FGD4: variants seen among roughly 807,000 people sequenced by gnomAD.
The protein encoded by FGD4 is FYVE, RhoGEF and PH domain containing 4, also known as FYVE, RhoGEF and PH domain-containing protein 4.
A neutral mutation model predicts 102.0 loss-of-function variants in FGD4; 42 were observed. The observed-to-expected ratio is 0.41, with a 90% CI of 0.32 to 0.53. FGD4 has a LOEUF of 0.53. Ranked by LOEUF, FGD4 falls within the 20% of genes least tolerant of loss-of-function variation. FGD4 has a pLI of 0.21. For missense variants in FGD4, 902 were observed against 1,078.2 expected (o/e 0.84, Z 2.29); for synonymous variants, 380 against 375.7 (o/e 1.01, Z -0.13).
chr12:32,572,105 TACAC>T (rs796932276), intron 2 of FGD4, among the ~76,000 whole-genome samples: 9 of 151,972 alleles, frequency 5.9e-5, no homozygotes, highest in Admixed American at 1.3e-4. Context: ...CACACATACA[TACAC>T]ACACACGCAT....
rs1362536617 is a variant in FGD4 at position 32,564,134 on chromosome 12, C to T, written c.167-3C>T. The T allele has an allele frequency of 2.0e-6, 3 of 1,534,340 alleles. No individual in the cohort carries two copies. Among genetic ancestry groups the T allele is most frequent in the Non-Finnish European group, 2.6e-6 (3 of 1,146,186 alleles). On this transcript the variant is annotated splice_polypyrimidine_tract_variant and splice_region_variant and intron_variant, in intron 1 of 16. Coordinates refer to ENST00000534526, the MANE Select transcript of FGD4 (RefSeq NM_001370298.3). ...CCTGCCCTTTCTTTCTGAACTCTTG[C>T]AGGCAGCAGTACCTGTCCAAAGATC...
chr12:32,525,308 A>G (rs1200236993), intron 1 of FGD4, among the ~76,000 whole-genome samples: 1 of 152,226 alleles, frequency 6.6e-6, no homozygotes, highest in Non-Finnish European at 1.5e-5. Flanking sequence ...ATGAACCAGA[A>G]CTGTGGACAA....
intron 14 of FGD4, among the ~76,000 whole-genome samples, chr12:32,633,248 C>T (rs923190032): frequency 6.6e-6 from 1 of 151,852 alleles, no homozygotes; most frequent in Non-Finnish European, 1.5e-5. Flanking sequence ...TAAGAGAGAC[C>T]AGGGAAGTTC....
At chr12:32,515,170 G>A (rs969443201) in intron 1 of FGD4, among the ~76,000 whole-genome samples, 3 of 152,210 alleles carry the variant, frequency 2.0e-5, no homozygotes, top group African/African-American at 7.2e-5. Flanking sequence ...AAGATAAGGA[G>A]TGGCACAACA....
intron 1 of FGD4, among the ~76,000 whole-genome samples, chr12:32,501,374 T>G (rs960066095): frequency 1.3e-5 from 2 of 152,218 alleles, no homozygotes; most frequent in African/African-American, 4.8e-5. Flanking sequence ...TTTCAGCCAA[T>G]TTTATCTTCC....
chr12:32,435,438 G>A (rs1241421567), intron 1 of FGD4, among the ~76,000 whole-genome samples: 1 of 151,292 alleles, frequency 6.6e-6, no homozygotes, highest in Non-Finnish European at 1.5e-5. Context: ...ATAGAGTAAT[G>A]CTCATAAAAT....
At chr12:32,583,258 GC>G (rs1194416021) in intron 4 of FGD4, among the ~76,000 whole-genome samples, 1 of 152,076 alleles carries the variant, frequency 6.6e-6, no homozygotes, top group Non-Finnish European at 1.5e-5. Flanking sequence ...AATTTCTTGA[GC>G]CCAGGAGGTC....
intron 1 of FGD4, among the ~76,000 whole-genome samples, chr12:32,407,419 C>A (rs1243700850): frequency 6.6e-6 from 1 of 152,198 alleles, no homozygotes; most frequent in Non-Finnish European, 1.5e-5. Context: ...AGCCACTACG[C>A]CTGGCCAAGA....
At chr12:32,415,473 A>G (rs1941374070) in intron 1 of FGD4, among the ~76,000 whole-genome samples, 1 of 123,460 alleles carries the variant, frequency 8.1e-6, no homozygotes, top group East Asian at 2.5e-4. Context: ...CCCAGGCTGG[A>G]GTGCTGTGGC....
intron 1 of FGD4, among the ~76,000 whole-genome samples, chr12:32,443,930 G>A (rs1942530688): frequency 6.6e-6 from 1 of 151,472 alleles, no homozygotes; most frequent in Admixed American, 6.6e-5. Flanking sequence ...AAAATCGACA[G>A]ATTTACTTAT....
chr12:32,435,709 A>G (rs1046128066), intron 1 of FGD4, among the ~76,000 whole-genome samples: 2 of 152,128 alleles, frequency 1.3e-5, no homozygotes, highest in Non-Finnish European at 2.9e-5. Context: ...TGAATTGCCA[A>G]TTTTTACATG....
In FGD4 at chr12:32,544,155, A is replaced by G. The variant is rs112262911; in HGVS notation, c.167-19982A>G. On this transcript the variant is annotated intron_variant, in intron 1 of 16. Coordinates refer to ENST00000534526, the MANE Select transcript of FGD4 (RefSeq NM_001370298.3). The surrounding 1 kb of genome is among the most constrained non-coding windows in gnomAD (Gnocchi z 4.1). ...TAAAATTTGGCCAGAGCCAGCAGCC[A>G]TGGCTTATGTCTGTAATCCCAGCAC... Among the ~76,000 whole-genome samples, 253 of 151,256 alleles carry G rather than the reference A, an allele frequency of 1.7e-3. 1 individual carries two copies. The highest frequency in any genetic ancestry group is 5.9e-3 in the African/African-American group (243 of 41,304).
intron 1 of FGD4, among the ~76,000 whole-genome samples, chr12:32,473,370 G>A (rs77779205): frequency 6.6e-6 from 1 of 152,024 alleles, no homozygotes; most frequent in South Asian, 2.1e-4. Flanking sequence ...GCGAAGATCT[G>A]CAGCTTCACT....
At chr12:32,405,777 C>T (rs1366729018) in intron 1 of FGD4, among the ~76,000 whole-genome samples, 5 of 152,030 alleles carry the variant, frequency 3.3e-5, no homozygotes, top group East Asian at 1.9e-4. Context: ...CTGTTGGAGT[C>T]AGTCCTTTTA....
chr12:32,434,619 C>T (rs866072654), intron 1 of FGD4, among the ~76,000 whole-genome samples: 1 of 152,162 alleles, frequency 6.6e-6, no homozygotes, highest in African/African-American at 2.4e-5. Flanking sequence ...TTTTGTGATT[C>T]CAGTAGCTCT....
chr12:32,502,977 C>A (rs1938358380), intron 1 of FGD4, among the ~76,000 whole-genome samples: 1 of 152,146 alleles, frequency 6.6e-6, no homozygotes. Context: ...ATTTCAACAG[C>A]CCCTTAAAAT....
At chr12:32,454,650 G>C (rs1481239156) in intron 1 of FGD4, among the ~76,000 whole-genome samples, 1 of 152,158 alleles carries the variant, frequency 6.6e-6, no homozygotes, top group East Asian at 1.9e-4. Flanking sequence ...ATTGTTTTAA[G>C]TAAGTTTTGA....
intron 1 of FGD4, among the ~76,000 whole-genome samples, chr12:32,533,580 C>G (rs1354644522): frequency 6.6e-6 from 1 of 152,144 alleles, no homozygotes; most frequent in African/African-American, 2.4e-5. Flanking sequence ...TGCATGCCAC[C>G]ACACCCGGCT....
At chr12:32,580,208 T>C (rs1212388074) in intron 3 of FGD4, among the ~76,000 whole-genome samples, 1 of 152,172 alleles carries the variant, frequency 6.6e-6, no homozygotes, top group Non-Finnish European at 1.5e-5. Flanking sequence ...ATTGTGACAT[T>C]GGCCACCTTA....
Sources: gnomAD v4.1 joint callset for allele counts (sites outside exome capture counted in the v4.1 genomes callset) on GRCh38, gnomAD v4.1.1 for gene constraint, Gnocchi (gnomAD v3.1) non-coding constraint, MANE v1.5 for transcripts, NCBI Gene and HGNC (gene_info 2026-07-23, HGNC 2026-07-21) for gene names.